The following NRXN1 variants were observed in gnomAD, a reference collection of about 807,000 sequenced individuals.
NRXN1 encodes the protein neurexin 1.
NRXN1 carries 39 observed loss-of-function variants against 150.9 expected under a neutral mutation model. That is an observed-to-expected ratio of 0.26 (90% CI 0.20 to 0.34). NRXN1 has a LOEUF of 0.34. NRXN1 is among the 10% of genes least tolerant of loss of function. The pLI is 1.00. For missense variants in NRXN1, 1,815 were observed against 1,949.9 expected, an observed-to-expected ratio of 0.93 and a Z score of 1.30; for synonymous variants, 924 against 757.0, an observed-to-expected ratio of 1.22 and a Z score of -3.62.
Position 51,027,948 on chromosome 2 carries a change from A to G in NRXN1, c.326T>C (p.Val109Ala). ...CACGCTGTGCCAGGCGCCGTCGTTAACCGGCGTGTCGGCCAGGAGCGTCGC... is the reference window on the plus strand; with the variant it reads ...CACGCTGTGCCAGGCGCCGTCGTTAGCCGGCGTGTCGGCCAGGAGCGTCGC... The part of the protein sequence containing the change: ...EPATLLADTP[V>A]NDGAWHSVRI... The change falls in exon 2 of 23, where the codon GTT becomes GCT. Residue 109 changes from valine to alanine, a missense_variant. Val to Ala is a moderately conservative substitution (Grantham distance 64). Transcript: ENST00000401669. 6.2e-7 allele frequency: 1 copy of G among 1,603,680 alleles called. No individual in the cohort carries two copies. Among genetic ancestry groups the G allele is most frequent in the Non-Finnish European group, 8.5e-7 (1 of 1,179,596 alleles).
At chr2:51,007,800 A>T (rs1337010646) in intron 2 of NRXN1, among the ~76,000 whole-genome samples, 1 of 151,940 alleles carries the variant, frequency 6.6e-6, no homozygotes, top group African/African-American at 2.4e-5. Flanking sequence ...GCAAATAATT[A>T]TCTGGAATAT....
intron 17 of NRXN1, among the ~76,000 whole-genome samples, chr2:50,449,377 ACTTT>A (rs1177016606): frequency 3.3e-5 from 5 of 152,234 alleles, no homozygotes; most frequent in Non-Finnish European, 7.3e-5. Flanking sequence ...TCCAAATATC[ACTTT>A]CTAAGAGAAG....
At chr2:50,658,796 G>A (rs1011651510) in intron 5 of NRXN1, among the ~76,000 whole-genome samples, 43 of 151,904 alleles carry the variant, frequency 2.8e-4, no homozygotes, top group African/African-American at 8.9e-4. Context: ...TATCCCTCCA[G>A]ATCCATATGT....
Position 50,032,182 on chromosome 2 carries a change from G to C in NRXN1, c.4128+21089C>G, listed in dbSNP as rs72889549. 4.5e-3 allele frequency among the ~76,000 whole-genome samples: 685 copies of C among 152,144 alleles called. 4 individuals are homozygous for C. The highest frequency in any genetic ancestry group is 0.016 in the African/African-American group (662 of 41,548). On this transcript the variant is annotated intron_variant, in intron 21 of 22. Transcript: ENST00000401669. Reference sequence around the variant, plus strand: ...GAATATGATTCTAAATATACTGAAAGTCTGGTGACATGTACAAGACAGGAA... The same window carrying C: ...GAATATGATTCTAAATATACTGAAACTCTGGTGACATGTACAAGACAGGAA...
intron 18 of NRXN1, among the ~76,000 whole-genome samples, chr2:50,098,066 A>C (rs916119670): frequency 7.9e-5 from 12 of 152,146 alleles, no homozygotes; most frequent in African/African-American, 2.9e-4. Context: ...TGGCACTGAG[A>C]TATACATGCC....
intron 5 of NRXN1, among the ~76,000 whole-genome samples, chr2:50,815,213 T>G (rs1668757694): frequency 6.6e-6 from 1 of 152,162 alleles, no homozygotes. Context: ...CCTTCTCATT[T>G]AAAGCAGGTA....
chr2:50,550,512 A>AT (rs904964024), intron 9 of NRXN1, among the ~76,000 whole-genome samples: 3 of 151,760 alleles, frequency 2.0e-5, no homozygotes, highest in Non-Finnish European at 2.9e-5. Flanking sequence ...ACATAAGCCC[A>AT]TGCCCACGCC....
At chr2:50,043,127 G>A (rs1691271939) in intron 21 of NRXN1, among the ~76,000 whole-genome samples, 1 of 152,026 alleles carries the variant, frequency 6.6e-6, no homozygotes, top group Admixed American at 6.6e-5. Flanking sequence ...TTATACATGT[G>A]TTTTTTTACT....
intron 21 of NRXN1, among the ~76,000 whole-genome samples, chr2:50,036,094 C>A (rs1377326092): frequency 1.3e-5 from 2 of 152,106 alleles, no homozygotes; most frequent in Non-Finnish European, 2.9e-5. Context: ...GGTTGTGTCC[C>A]TACCCAAAAT....
chr2:50,624,054 G>C (rs1175236044), intron 5 of NRXN1, among the ~76,000 whole-genome samples: 1 of 151,982 alleles, frequency 6.6e-6, no homozygotes, highest in South Asian at 2.1e-4. Context: ...TTGTCCTTGA[G>C]ATAGTTTGCT....
intron 5 of NRXN1, among the ~76,000 whole-genome samples, chr2:50,838,534 A>T (rs1672411843): frequency 6.6e-6 from 1 of 152,130 alleles, no homozygotes; most frequent in Non-Finnish European, 1.5e-5. Context: ...TATGGAAATA[A>T]CGTCTCTACA....
intron 15 of NRXN1, among the ~76,000 whole-genome samples, chr2:50,476,898 A>G (rs1359907453): frequency 6.6e-6 from 1 of 152,174 alleles, no homozygotes; most frequent in Non-Finnish European, 1.5e-5. Flanking sequence ...AGAGGACAAA[A>G]AAACTCTATG....
chr2:50,185,798 A>T (rs1292169150), intron 18 of NRXN1: 1 of 152,136 alleles, frequency 6.6e-6, no homozygotes, highest in Non-Finnish European at 1.5e-5. Context: ...ATTTCTTACA[A>T]CAACTAGCTT....
intron 18 of NRXN1, among the ~76,000 whole-genome samples, chr2:50,169,071 G>A (rs2059858699): frequency 6.6e-6 from 1 of 152,148 alleles, no homozygotes; most frequent in Non-Finnish European, 1.5e-5. Flanking sequence ...AGCTCATATT[G>A]AGCAAGTACT....
At chr2:50,061,688 G>A (rs1364416221) in intron 19 of NRXN1, among the ~76,000 whole-genome samples, 5 of 152,146 alleles carry the variant, frequency 3.3e-5, no homozygotes, top group African/African-American at 1.2e-4. Flanking sequence ...TAAAAGCAGA[G>A]CCTTCTCATT....
chr2:50,866,675 T>C (rs1189294691), intron 5 of NRXN1, among the ~76,000 whole-genome samples: 1 of 151,936 alleles, frequency 6.6e-6, no homozygotes, highest in Non-Finnish European at 1.5e-5. Flanking sequence ...GACATAGAGA[T>C]AACACTGGTT....
intron 5 of NRXN1, among the ~76,000 whole-genome samples, chr2:50,655,929 A>T (rs1255251978): frequency 6.6e-6 from 1 of 151,984 alleles, no homozygotes; most frequent in Admixed American, 6.6e-5. Flanking sequence ...AATGTGGTGT[A>T]ATTAAACTCA....
At position 50,431,783 on chromosome 2, in the gene NRXN1, A is replaced by G. The variant is rs900001439; in HGVS notation, c.3364+33659T>C. 2.1e-4 allele frequency among the ~76,000 whole-genome samples: 32 copies of G among 152,182 alleles called. 1 individual carries two copies. The highest frequency in any genetic ancestry group is 6.0e-4 in the African/African-American group (25 of 41,448). Reference sequence around the variant, plus strand: ...GCAAAGCTTAAAATATGTATTATCCAGTCCTTTACACAAAAAGTTTGTTGA... The same window carrying G: ...GCAAAGCTTAAAATATGTATTATCCGGTCCTTTACACAAAAAGTTTGTTGA... On this transcript the variant is annotated intron_variant, in intron 17 of 22. Coordinates refer to ENST00000401669, the MANE Select transcript of NRXN1 (RefSeq NM_001330078.2).
intron 5 of NRXN1, among the ~76,000 whole-genome samples, chr2:50,906,794 CA>C (rs1233488598): frequency 6.6e-6 from 1 of 152,052 alleles, no homozygotes; most frequent in Non-Finnish European, 1.5e-5. Flanking sequence ...AATGGCACCA[CA>C]ATGATGTATA....
Sources: gnomAD v4.1 joint callset for allele counts (sites outside exome capture counted in the v4.1 genomes callset) on GRCh38, gnomAD v4.1.1 for gene constraint, MANE v1.5 for transcripts, NCBI Gene and HGNC (gene_info 2026-07-23, HGNC 2026-07-21) for gene names.